The following VPS13C variants were observed in gnomAD, a reference collection of about 807,000 sequenced individuals.
The protein encoded by VPS13C is intermembrane lipid transfer protein VPS13C.
Under a neutral mutation model 456.8 loss-of-function variants are expected in VPS13C, and 358 were observed. The ratio of observed to expected loss-of-function variants is 0.78; its 90% CI spans 0.72 to 0.86. The LOEUF (loss-of-function observed/expected upper bound fraction) is 0.86, where lower values mean the gene tolerates loss of function less well. VPS13C is among the 40% of genes least tolerant of loss of function. The probability of loss-of-function intolerance (pLI) is 0.00; values close to 1 mark genes in which losing one functional copy is unlikely to be tolerated. For synonymous variants in VPS13C, 1,578 were observed against 1,486.7 expected (o/e 1.06, Z -1.41); for missense variants, 4,818 against 4,385.4 (o/e 1.10, Z -2.79).
At chr15:61,869,649 G>A in intron 79 of VPS13C, 26 bp from the exon 80 acceptor site, 2 of 1,612,424 alleles carry the variant, frequency 1.2e-6, no homozygotes, top group East Asian at 4.5e-5. Flanking sequence ...GACCATGAAT[G>A]GATAAAGATA....
At chr15:62,045,759 G>A (rs1180555555) in intron 1 of VPS13C, among the ~76,000 whole-genome samples, 1 of 152,054 alleles carries the variant, frequency 6.6e-6, no homozygotes, top group African/African-American at 2.4e-5. Flanking sequence ...AAGAAGGAAG[G>A]ACAGAAGAGG....
chr15:61,967,230 G>T, intron 29 of VPS13C, 138 bp downstream of exon 29: 1 of 708,246 alleles, frequency 1.4e-6, no homozygotes, highest in Non-Finnish European at 2.3e-6. Context: ...GTGTACAAAT[G>T]AAAAAAGAAA....
chr15:62,020,212 C>T (rs2047411273), intron 9 of VPS13C, among the ~76,000 whole-genome samples: 2 of 151,758 alleles, frequency 1.3e-5, no homozygotes, highest in Admixed American at 1.3e-4. Flanking sequence ...CCTACTTCCC[C>T]CACATGTTTA....
At chr15:62,049,108 T>G (rs1376055479) in intron 1 of VPS13C, among the ~76,000 whole-genome samples, 1,538 of 121,070 alleles carry the variant, frequency 0.013, no homozygotes, top group Non-Finnish European at 0.015. Context: ...TTTAGTTTAA[T>G]TAGATCCCAT....
chr15:61,947,103 A>C, intron 43 of VPS13C, 90 bp downstream of exon 43: 1 of 823,750 alleles, frequency 1.2e-6, no homozygotes, highest in Non-Finnish European at 1.9e-6. Context: ...AAACCAAAAG[A>C]AAACTCATGA....
rs940501284 is a variant in VPS13C, at chr15:61,949,681, T to C, written c.4597-76A>G. The C allele has an allele frequency of 4.9e-6, 7 of 1,435,578 alleles. No homozygotes were observed. In the African/African-American group the frequency reaches 8.7e-5, roughly 18 times the overall value. 88.9% of individuals were successfully genotyped at this position (1,435,578 alleles called of 1,614,324 possible). Reference sequence around the variant, plus strand: ...TACATCAGGGTTCAACAGATATAAGTAGCACAAGAACAGTTCAATTAAGGG... The same window carrying C: ...TACATCAGGGTTCAACAGATATAAGCAGCACAAGAACAGTTCAATTAAGGG... On this transcript the variant is annotated intron_variant, in intron 41 of 84. Transcript: ENST00000644861.
At position 61,867,823 on chromosome 15, in the gene VPS13C, A is replaced by C; in HGVS notation, c.10863+836T>G. 6.5e-7 allele frequency: 1 copy of C among 1,531,964 alleles called. No homozygotes were observed. Among genetic ancestry groups the C allele is most frequent in the Non-Finnish European group, 8.8e-7 (1 of 1,141,566 alleles). 94.9% of individuals were successfully genotyped at this position (1,531,964 alleles called of 1,614,324 possible). On this transcript the variant is annotated intron_variant, in intron 81 of 84. Transcript: ENST00000644861. This position sits in a 1 kb window ranked among gnomAD's most constrained non-coding sequence, Gnocchi z 5.0. ...CAGATGGAGGTGAGAGTTTTAAAGA[A>C]AATTTCATTAAAATTGACAATGGAA...
In VPS13C at chr15:61,915,901, T is replaced by C. The variant is rs766831906; in HGVS notation, c.8177A>G (p.His2726Arg). The C allele has an allele frequency of 1.9e-6, 3 of 1,613,956 alleles. No homozygotes were observed. Among genetic ancestry groups the C allele is most frequent in the Non-Finnish European group, 2.5e-6 (3 of 1,180,000 alleles). ...TGGTAGTGTATCACGTATGCGGAAA[T>C]GTCCATTCCAGTTTTTGCCCTGGTA... ...VKYQGKNWNG[H>R]FRIRDTLPEF... is the part of the protein sequence containing the mutation. The change falls in exon 61 of 85, where the codon CAT (histidine) becomes CGT (arginine). Residue 2726 changes from histidine (H) to arginine (R), a missense_variant. Transcript: ENST00000644861.
Position 61,853,340 on chromosome 15 carries a change from G to T in VPS13C, c.*1117C>A, listed in dbSNP as rs1295097094. 1 of 152,094 alleles carries T rather than the reference G, an allele frequency of 6.6e-6. No homozygotes were observed. The highest frequency in any genetic ancestry group is 1.9e-4 in the East Asian group (1 of 5,198). 9.4% of individuals were successfully genotyped at this position (152,094 alleles called of 1,614,324 possible). A position where few individuals can be genotyped will look rare whatever the true frequency, so the allele number is the denominator to read the frequency against. On this transcript the variant is annotated 3_prime_UTR_variant, in exon 85 of 85. Coordinates refer to ENST00000644861, the MANE Select transcript of VPS13C (RefSeq NM_020821.3). ...CAATTTCTGGGAATATAAAAATATT[G>T]AATTTTACATATTTCAGAGTCTTGA...
intron 18 of VPS13C, among the ~76,000 whole-genome samples, chr15:61,989,074 A>G (rs1202973530): frequency 6.6e-6 from 1 of 151,400 alleles, no homozygotes; most frequent in Admixed American, 6.6e-5. Context: ...TAAGAAGTCT[A>G]GCCATCAAAA....
At chr15:61,936,035 T>C (rs1030796736) in intron 48 of VPS13C, among the ~76,000 whole-genome samples, 2 of 152,316 alleles carry the variant, frequency 1.3e-5, no homozygotes, top group South Asian at 4.1e-4. Context: ...TTATATGTAA[T>C]ATAATCTGTT....
chr15:61,942,926 A>G (rs1463312002), intron 45 of VPS13C, among the ~76,000 whole-genome samples: 2 of 152,148 alleles, frequency 1.3e-5, no homozygotes, highest in Non-Finnish European at 2.9e-5. Context: ...AAGTTTCAGG[A>G]TACAAAATCA....
At chr15:61,862,538 A>G (rs1211163562) in intron 82 of VPS13C, among the ~76,000 whole-genome samples, 14 of 152,222 alleles carry the variant, frequency 9.2e-5, no homozygotes, top group Non-Finnish European at 2.1e-4. Flanking sequence ...TACAATATCT[A>G]AGACAAAAAA....
chr15:61,855,305 T>C (rs562449074), intron 83 of VPS13C, among the ~76,000 whole-genome samples: 3 of 152,274 alleles, frequency 2.0e-5, no homozygotes, highest in African/African-American at 7.2e-5. Flanking sequence ...AATTTCTGTA[T>C]AATGTAAAAT....
intron 79 of VPS13C, 117 bp downstream of exon 79, chr15:61,871,872 A>G (rs1895056332): frequency 1.1e-6 from 1 of 877,702 alleles, no homozygotes; most frequent in East Asian, 2.7e-5. Context: ...GGCTACGAAT[A>G]TAAAATTCAG....
chr15:61,871,567 G>T (rs1340632281), intron 79 of VPS13C, among the ~76,000 whole-genome samples: 1 of 105,636 alleles, frequency 9.5e-6, no homozygotes, highest in Non-Finnish European at 2.1e-5. Context: ...TCTTTTTCAA[G>T]ACTTTTTTTT....
intron 8 of VPS13C, among the ~76,000 whole-genome samples, 170 bp downstream of exon 8, chr15:62,023,241 C>G (rs188158707): frequency 6.6e-6 from 1 of 151,704 alleles, no homozygotes; most frequent in African/African-American, 2.4e-5. Flanking sequence ...TATTTATGTA[C>G]ATAAATGCCC....
intron 3 of VPS13C, 42 bp from the exon 4 acceptor site, chr15:62,035,094 C>A: frequency 7.1e-7 from 1 of 1,417,244 alleles, no homozygotes; most frequent in South Asian, 1.2e-5. Context: ...TATTTGACTG[C>A]TCAAGAACAC....
intron 15 of VPS13C, among the ~76,000 whole-genome samples, 193 bp from the exon 16 acceptor site, chr15:62,000,819 A>G (rs560778942): frequency 3.9e-5 from 6 of 152,286 alleles, no homozygotes; most frequent in Middle Eastern, 3.4e-3. Context: ...TAAGTTTTCT[A>G]AGAAAATAAA....
Sources: allele counts gnomAD v4.1 joint callset (sites outside exome capture counted in the v4.1 genomes callset), GRCh38; gene constraint gnomAD v4.1.1; non-coding constraint Gnocchi (gnomAD v3.1); transcripts MANE v1.5; gene names NCBI Gene and HGNC (gene_info 2026-07-23, HGNC 2026-07-21).